PDE4D: variants seen among roughly 807,000 people sequenced by gnomAD.
PDE4D encodes the protein 3',5'-cyclic-AMP phosphodiesterase 4D.
Under a neutral mutation model 87.4 loss-of-function variants are expected in PDE4D, and 24 were observed. The ratio of observed to expected loss-of-function variants is 0.27; its 90% confidence interval spans 0.20 to 0.39. The LOEUF (loss-of-function observed/expected upper bound fraction) is 0.39, where lower values mean the gene tolerates loss of function less well. Ranked by LOEUF, PDE4D falls within the 10% of genes least tolerant of loss-of-function variation. The pLI is 1.00. For missense variants in PDE4D, 714 were observed against 1,041.0 expected, an observed-to-expected ratio of 0.69 and a Z score of 4.32; for synonymous variants, 384 against 383.2, an observed-to-expected ratio of 1.00 and a Z score of -0.02.
chr5:58,986,958 G>GATAT (rs1227900826), intron 11 of PDE4D, among the ~76,000 whole-genome samples: 25 of 58,480 alleles, frequency 4.3e-4, no homozygotes, highest in South Asian at 2.8e-3. Context: ...TGGTGTTTAA[G>GATAT]ATAGATATAT....
At chr5:59,157,467 G>T in intron 5 of PDE4D, 1 of 643,166 alleles carries the variant, frequency 1.6e-6, no homozygotes, top group South Asian at 1.8e-5. Flanking sequence ...TTGAATTTAC[G>T]ACTAAGTTTC....
intron 1 of PDE4D, among the ~76,000 whole-genome samples, chr5:59,368,402 C>T (rs755747631): frequency 1.2e-4 from 18 of 152,198 alleles, no homozygotes; most frequent in Non-Finnish European, 2.1e-4. Context: ...ATTTATAAAA[C>T]GTTAGTATGC....
chr5:60,119,063 T>C (rs181530847), intron 2 of PDE4D, among the ~76,000 whole-genome samples: 1 of 152,244 alleles, frequency 6.6e-6, no homozygotes, highest in East Asian at 1.9e-4. Context: ...AAACTCCTGG[T>C]ACAAAAAATT....
chr5:60,196,041 C>T lies in PDE4D; in HGVS notation c.-89-10354G>A, dbSNP rs370614656. Among the ~76,000 whole-genome samples the T allele has an allele frequency of 3.3e-4, 50 of 151,608 alleles. 2 individuals carry two copies. Among genetic ancestry groups the T allele is most frequent in the African/African-American group, 1.1e-3 (44 of 41,448 alleles). ...GACCATTGAATGAATAATATGCAGG[C>T]GGTCACACTTACATAGAGAACACAA... On this transcript the variant is annotated intron_variant, in intron 1 of 16. Coordinates refer to the PDE4D transcript ENST00000502484.
intron 3 of PDE4D, among the ~76,000 whole-genome samples, chr5:59,967,612 C>T (rs917892310): frequency 2.6e-5 from 4 of 151,978 alleles, no homozygotes; most frequent in Non-Finnish European, 4.4e-5. Context: ...CAGATACTGG[C>T]GAGGCTGAAA....
At chr5:60,021,321 G>A (rs1456638713) in intron 2 of PDE4D, 1 of 152,232 alleles carries the variant, frequency 6.6e-6, no homozygotes, top group Non-Finnish European at 1.5e-5. Flanking sequence ...CCTCCTGAGA[G>A]CAGTGTTAGG....
intron 1 of PDE4D, among the ~76,000 whole-genome samples, chr5:59,627,313 G>A (rs1381351008): frequency 1.3e-5 from 2 of 152,062 alleles, no homozygotes; most frequent in Non-Finnish European, 2.9e-5. Context: ...AAAGCAGGTG[G>A]GATATTTTGT....
intron 1 of PDE4D, among the ~76,000 whole-genome samples, chr5:59,505,967 T>C (rs1462013595): frequency 6.6e-6 from 1 of 152,152 alleles, no homozygotes; most frequent in East Asian, 1.9e-4. Context: ...CATAACACCA[T>C]GAATTTAGAT....
In PDE4D at chr5:59,442,356, AATAG is replaced by A. The variant is rs141859871; in HGVS notation, c.456-226392_456-226389del. The stretch of plus-strand genomic sequence containing the variant: ...GGTTTGACAACATCCAAGTTTTCAT[AATAG>A]ATAAACTAGGGACAAATCAGCAAGT... On this transcript the variant is annotated intron_variant, in intron 1 of 14. Coordinates refer to ENST00000340635, the MANE Select transcript of PDE4D (RefSeq NM_001104631.2). Among the ~76,000 whole-genome samples the A allele has an allele frequency of 4.8e-3, 735 of 152,266 alleles. 7 individuals carry two copies. The highest frequency in any genetic ancestry group is 0.017 in the African/African-American group (703 of 41,528).
chr5:59,988,639 G>C (rs1304188564), exon 3 of PDE4D: 1 of 1,599,346 alleles, frequency 6.3e-7, no homozygotes, highest in Non-Finnish European at 8.5e-7. Context: ...CGACATGAAA[G>C]TCTCCGGACA....
chr5:60,204,234 T>C (rs968543509), intron 1 of PDE4D, among the ~76,000 whole-genome samples: 2 of 152,060 alleles, frequency 1.3e-5, no homozygotes, highest in Admixed American at 6.5e-5. Flanking sequence ...CTCTGTCATC[T>C]ATCTAATCTA....
chr5:60,476,820 C>A (rs1583886688), intron 1 of PDE4D, among the ~76,000 whole-genome samples: 1 of 152,166 alleles, frequency 6.6e-6, no homozygotes, highest in African/African-American at 2.4e-5. Context: ...TTTCTGCTCA[C>A]CTTGCTTTAT....
chr5:60,100,933 ATTT>A (rs910818161), intron 2 of PDE4D, among the ~76,000 whole-genome samples: 1 of 152,064 alleles, frequency 6.6e-6, no homozygotes, highest in Non-Finnish European at 1.5e-5. Flanking sequence ...TTCAAAATGG[ATTT>A]TGCAAAAGGT....
intron 1 of PDE4D, among the ~76,000 whole-genome samples, chr5:59,616,933 A>C (rs1829764500): frequency 7.7e-6 from 1 of 129,534 alleles, no homozygotes; most frequent in African/African-American, 3.1e-5. Context: ...ATATATATAT[A>C]TATATATATA....
intron 5 of PDE4D, among the ~76,000 whole-genome samples, chr5:59,089,828 TA>T (rs1335029016): frequency 6.6e-6 from 1 of 152,166 alleles, no homozygotes; most frequent in Non-Finnish European, 1.5e-5. Context: ...TCATAAACTG[TA>T]AAGTGTTATA....
rs1341348633 is a variant in PDE4D, at chr5:59,592,168, GTCT to G, written c.455+300997_455+300999del. ...GCCAATCCCCCAGGAACAGAACAGT[GTCT>G]TCTTCTCTATATTTATAACACCAAA... On this transcript the variant is annotated intron_variant, in intron 1 of 14. Transcript: ENST00000340635. The G allele has an allele frequency of 5.1e-6, 5 of 980,652 alleles. No homozygotes were observed. The African/African-American group carries it at 8.8e-5, about 17-fold the overall frequency. 60.7% of individuals were successfully genotyped at this position (980,652 alleles called of 1,614,324 possible).
intron 1 of PDE4D, among the ~76,000 whole-genome samples, chr5:59,248,259 T>C (rs1759275972): frequency 6.6e-6 from 1 of 150,786 alleles, no homozygotes; most frequent in Admixed American, 6.7e-5. Flanking sequence ...GTCTAGGAAT[T>C]ACCTGTTCTG....
chr5:59,277,434 AT>A (rs921255140), intron 1 of PDE4D, among the ~76,000 whole-genome samples: 1 of 152,168 alleles, frequency 6.6e-6, no homozygotes, highest in African/African-American at 2.4e-5. Context: ...TTAATCATGT[AT>A]TTTTTTGGAA....
At chr5:59,290,077 T>C (rs1015118418) in intron 1 of PDE4D, among the ~76,000 whole-genome samples, 1 of 152,022 alleles carries the variant, frequency 6.6e-6, no homozygotes, top group African/African-American at 2.4e-5. Flanking sequence ...TCAATATTGT[T>C]AAAACGTTCA....
Sources: allele counts gnomAD v4.1 joint callset (sites outside exome capture counted in the v4.1 genomes callset), GRCh38; gene constraint gnomAD v4.1.1; transcripts MANE v1.5; gene names NCBI Gene and HGNC (gene_info 2026-07-23, HGNC 2026-07-21).